Variants in EML6 observed in about 807,000 individuals in gnomAD.
EML6 encodes echinoderm microtubule-associated protein-like 6.
In EML6, 154 loss-of-function variants were observed where a neutral mutation model predicts 240.1. The observed-to-expected ratio is 0.64, with a 90% CI of 0.56 to 0.73. The LOEUF (loss-of-function observed/expected upper bound fraction) is 0.73. Ranked by LOEUF, EML6 falls within the 30% of genes least tolerant of loss-of-function variation. EML6 has a pLI of 0.00. For synonymous variants in EML6, 1,148 were observed against 899.0 expected, an observed-to-expected ratio of 1.28 and a Z score of -4.95; for missense variants, 2,964 against 2,474.6, an observed-to-expected ratio of 1.20 and a Z score of -4.20.
At chr2:54,777,590 G>A (rs1023830791) in intron 2 of EML6, among the ~76,000 whole-genome samples, 2 of 152,102 alleles carry the variant, frequency 1.3e-5, no homozygotes, top group African/African-American at 4.8e-5. Context: ...TGTCCTTATG[G>A]TCCTCATTTA....
Position 54,879,623 on chromosome 2 carries a change from A to G in EML6, c.2421A>G (p.Glu807=), listed in dbSNP as rs191661637. 1.9e-3 allele frequency: 3,021 copies of G among 1,550,366 alleles called. 7 individuals are homozygous for G. The highest frequency in any genetic ancestry group is 2.4e-3 in the Non-Finnish European group (2,748 of 1,145,346). ...TATTTTGGGACTGGAAAAAGGGAGA[A>G]AAGATAGCCACAACAAGGTAAGAAG... ...SIVFWDWKKG[E]KIATTRGHKD... is the part of the protein sequence containing the mutation. The change falls in exon 17 of 42, where the codon GAA becomes GAG. Residue 807 remains glutamate (E), a synonymous_variant. Coordinates refer to ENST00000356458, the MANE Select transcript of EML6 (RefSeq NM_001039753.4).
chr2:54,968,758 G>C lies in EML6; in HGVS notation c.5842G>C (p.Asp1948His). 1 of 1,533,850 alleles carries C rather than the reference G, an allele frequency of 6.5e-7. No homozygotes were observed. The highest frequency in any genetic ancestry group is 8.8e-7 in the Non-Finnish European group (1 of 1,130,682). The change falls in exon 41 of 42, where the codon GAC (aspartate) becomes CAC (histidine). Residue 1948 changes from aspartate to histidine, a missense_variant. Coordinates refer to ENST00000356458, the MANE Select transcript of EML6 (RefSeq NM_001039753.4). The part of the protein sequence containing the change: ...DDKYVVSTGG[D>H]DCSVFVWRCL Reference sequence around the variant, plus strand: ...CAAGTATGTGGTCAGCACTGGAGGAGACGACTGCAGGTACTAACGTAGCTG... The same window carrying C: ...CAAGTATGTGGTCAGCACTGGAGGACACGACTGCAGGTACTAACGTAGCTG...
intron 2 of EML6, among the ~76,000 whole-genome samples, chr2:54,805,511 C>G (rs1434932948): frequency 2.6e-5 from 4 of 152,176 alleles, no homozygotes; most frequent in African/African-American, 9.6e-5. Context: ...TTGTTCAAGT[C>G]TTCCAGCATA....
At position 54,839,246 on chromosome 2, in the gene EML6, T is replaced by C. The variant is rs376324125; in HGVS notation, c.848-4801T>C. Among the ~76,000 whole-genome samples, 21 of 152,364 alleles carry C rather than the reference T, an allele frequency of 1.4e-4. 1 individual carries two copies. Among genetic ancestry groups the C allele is most frequent in the Admixed American group, 1.2e-3 (19 of 15,312 alleles). On this transcript the variant is annotated intron_variant, in intron 7 of 41. Coordinates refer to ENST00000356458, the MANE Select transcript of EML6 (RefSeq NM_001039753.4). ...GAGACTGTGTGGTTCTCTTTACCACTCTTGCATGCAGAAGAACAATTAGGT... is the reference window on the plus strand; with the variant it reads ...GAGACTGTGTGGTTCTCTTTACCACCCTTGCATGCAGAAGAACAATTAGGT...
rs555022229 is a variant in EML6 at position 54,806,834 on chromosome 2, T to C, written c.198-6398T>C. Among the ~76,000 whole-genome samples, 12 of 152,170 alleles carry C rather than the reference T, an allele frequency of 7.9e-5. No individual in the cohort carries two copies. In the South Asian group the frequency reaches 2.3e-3, roughly 29 times the overall value. ...GGTACTGTTGTTATTCCCATTCTTA[T>C]GGATGAGAAACTGGGGCACAGAGAG... On this transcript the variant is annotated intron_variant, in intron 2 of 41. Transcript: ENST00000356458.
Position 54,850,078 on chromosome 2 carries a change from A to T in EML6, c.1304A>T (p.Tyr435Phe), listed in dbSNP as rs758913111. The T allele has an allele frequency of 5.2e-6, 8 of 1,552,108 alleles. No homozygotes were observed. The highest frequency in any genetic ancestry group is 1.7e-4 in the Middle Eastern group (1 of 5,998). ...VGSNDGPVDV[Y>F]AVAQRYKKIG... ...TCCAATGATGGCCCAGTAGATGTCT[A>T]TGCTGTTGCCCAGAGGTATAAGAAA... is the stretch of plus-strand genomic sequence containing the variant. The change falls in exon 10 of 42, where the codon TAT (tyrosine) becomes TTT (phenylalanine). Residue 435 changes from tyrosine (Y) to phenylalanine (F), a missense_variant. Transcript: ENST00000356458.
At chr2:54,838,660 G>A (rs1222663889) in intron 7 of EML6, among the ~76,000 whole-genome samples, 2 of 152,188 alleles carry the variant, frequency 1.3e-5, no homozygotes, top group Non-Finnish European at 2.9e-5. Flanking sequence ...TATAAAATCA[G>A]GGCCACGGAC....
At chr2:54,845,325 T>C (rs1281608810) in intron 8 of EML6, among the ~76,000 whole-genome samples, 1 of 152,244 alleles carries the variant, frequency 6.6e-6, no homozygotes, top group African/African-American at 2.4e-5. Context: ...TCTGTTACTC[T>C]TGAATTTTCC....
At chr2:54,782,391 A>T (rs1668891570) in intron 2 of EML6, among the ~76,000 whole-genome samples, 1 of 152,198 alleles carries the variant, frequency 6.6e-6, no homozygotes, top group South Asian at 2.1e-4. Flanking sequence ...AGTAATTGAC[A>T]TTTTGAAATA....
At chr2:54,742,645 G>A (rs1558519409) in intron 2 of EML6, among the ~76,000 whole-genome samples, 1 of 152,178 alleles carries the variant, frequency 6.6e-6, no homozygotes, top group Admixed American at 6.5e-5. Flanking sequence ...TAGGGCTTCA[G>A]TGCCAGTCAC....
intron 2 of EML6, among the ~76,000 whole-genome samples, chr2:54,730,140 A>G (rs933526323): frequency 1.4e-5 from 2 of 147,180 alleles, no homozygotes; most frequent in East Asian, 3.9e-4. Flanking sequence ...CTGTCTCAAG[A>G]AAAAAAAAAG....
At chr2:54,884,159 C>T (rs762864011) in intron 17 of EML6, among the ~76,000 whole-genome samples, 4 of 152,152 alleles carry the variant, frequency 2.6e-5, no homozygotes, top group Admixed American at 6.5e-5. Flanking sequence ...CTCATCCCAC[C>T]TTGGGTTCGA....
intron 24 of EML6, among the ~76,000 whole-genome samples, chr2:54,906,595 G>C (rs886851624): frequency 2.0e-5 from 3 of 152,192 alleles, no homozygotes; most frequent in African/African-American, 4.8e-5. Flanking sequence ...TCATTGTAAG[G>C]GTCCCTGCAG....
In EML6 at chr2:54,952,673, G is replaced by T. The variant is rs1676042482; in HGVS notation, c.4293G>T (p.Val1431=). The T allele has an allele frequency of 6.4e-7, 1 of 1,551,134 alleles. No individual in the cohort carries two copies. Among genetic ancestry groups the T allele is most frequent in the Non-Finnish European group, 8.7e-7 (1 of 1,146,736 alleles). ...TVNQHPKYRN[V]VATSQIGTTP... ...ACCAGCACCCCAAGTACAGAAACGT[G>T]GTGGCCACCAGCCAGATAGGTAGGA... The change falls in exon 31 of 42, where the codon GTG becomes GTT. Residue 1431 remains valine, a synonymous_variant. Coordinates refer to ENST00000356458, the MANE Select transcript of EML6 (RefSeq NM_001039753.4).
chr2:54,791,055 C>T (rs1669422038), intron 2 of EML6, among the ~76,000 whole-genome samples: 1 of 152,196 alleles, frequency 6.6e-6, no homozygotes. Context: ...TTGAAGCAAA[C>T]AGTCACAGGC....
chr2:54,943,854 T>C (rs1675550672), intron 28 of EML6, among the ~76,000 whole-genome samples: 1 of 152,230 alleles, frequency 6.6e-6, no homozygotes, highest in Non-Finnish European at 1.5e-5. Context: ...GACTTCAAAT[T>C]CCAGTGTGTA....
intron 26 of EML6, among the ~76,000 whole-genome samples, chr2:54,924,192 C>G (rs1407374053): frequency 1.3e-5 from 2 of 152,150 alleles, no homozygotes; most frequent in African/African-American, 4.8e-5. Flanking sequence ...AACTGCCAGA[C>G]CTTTTTCCAA....
chr2:54,796,911 C>T, intron 2 of EML6, among the ~76,000 whole-genome samples: 1 of 151,820 alleles, frequency 6.6e-6, no homozygotes. Flanking sequence ...AAGGTAAGCT[C>T]TGCAGCACTT....
chr2:54,739,963 T>A (rs922720182), intron 2 of EML6, among the ~76,000 whole-genome samples: 1 of 152,090 alleles, frequency 6.6e-6, no homozygotes, highest in Non-Finnish European at 1.5e-5. Context: ...GGGAGTAGGG[T>A]AGAAAGAAGG....
Sources: gnomAD v4.1 joint callset for allele counts (sites outside exome capture counted in the v4.1 genomes callset) on GRCh38, gnomAD v4.1.1 for gene constraint, MANE v1.5 for transcripts, NCBI Gene and HGNC (gene_info 2026-07-23, HGNC 2026-07-21) for gene names.